TANC1: variants seen among roughly 807,000 people sequenced by gnomAD.
The protein encoded by TANC1 is protein TANC1.
TANC1 carries 77 observed loss-of-function variants against 149.7 expected under a neutral mutation model. The observed-to-expected ratio is 0.51, with a 90% confidence interval of 0.43 to 0.62. The LOEUF is 0.62. Ranked by LOEUF, TANC1 falls within the 20% of genes least tolerant of loss-of-function variation. TANC1 has a pLI of 0.00. For synonymous variants in TANC1, 854 were observed against 925.0 expected, an observed-to-expected ratio of 0.92 and a Z score of 1.39; for missense variants, 1,985 against 2,321.8, an observed-to-expected ratio of 0.85 and a Z score of 2.98.
intron 11 of TANC1, among the ~76,000 whole-genome samples, chr2:159,173,819 C>G (rs1260395660): frequency 6.6e-6 from 1 of 152,196 alleles, no homozygotes; most frequent in South Asian, 2.1e-4. Context: ...TTAATCTAAA[C>G]CAAAAGTCTC....
At chr2:159,163,049 A>G (rs2054204664) in intron 7 of TANC1, among the ~76,000 whole-genome samples, 1 of 152,206 alleles carries the variant, frequency 6.6e-6, no homozygotes, top group African/African-American at 2.4e-5. Flanking sequence ...TTATCTTCCT[A>G]TCAGAGTTTC....
intron 1 of TANC1, among the ~76,000 whole-genome samples, chr2:158,981,543 A>ATATATATATATATAT (rs58329621): frequency 9.9e-6 from 1 of 101,442 alleles, no homozygotes; most frequent in African/African-American, 3.5e-5. Context: ...ATATATATAT[A>ATATATATATATATAT]AAGAAGTAAC....
intron 3 of TANC1, 36 bp from the exon 4 acceptor site, chr2:159,097,601 G>T: frequency 6.6e-7 from 1 of 1,508,270 alleles, no homozygotes; most frequent in South Asian, 1.1e-5. Context: ...TATAATGAAT[G>T]GATGGTTTAA....
intron 15 of TANC1, among the ~76,000 whole-genome samples, chr2:159,186,468 C>T (rs1157324571): frequency 1.3e-5 from 2 of 152,156 alleles, no homozygotes; most frequent in Non-Finnish European, 2.9e-5. Context: ...CATGGTAAAA[C>T]CTTGTCTCTA....
intron 1 of TANC1, among the ~76,000 whole-genome samples, chr2:158,974,387 A>C (rs1163776789): frequency 6.6e-6 from 1 of 152,202 alleles, no homozygotes. Flanking sequence ...ATTAAAAATC[A>C]TGTATTATTT....
At position 159,035,771 on chromosome 2, in the gene TANC1, G is replaced by A. The variant is rs556082627; in HGVS notation, c.-15-30125G>A. ...AAGCTGCCTTCCTTGAGATCTCTGC[G>A]ACTCTGTAATTTATAGTGGTGCCTT... On this transcript the variant is annotated intron_variant, in intron 2 of 26. Transcript: ENST00000263635. 6.0e-4 allele frequency among the ~76,000 whole-genome samples: 91 copies of A among 152,292 alleles called. 1 individual carries two copies. The highest frequency in any genetic ancestry group is 6.0e-4 in the Non-Finnish European group (41 of 68,038).
chr2:159,173,823 A>T (rs2055535458), intron 11 of TANC1, among the ~76,000 whole-genome samples: 1 of 152,160 alleles, frequency 6.6e-6, no homozygotes, highest in Admixed American at 6.5e-5. Flanking sequence ...TCTAAACCAA[A>T]AGTCTCATGG....
At chr2:159,041,360 CT>C (rs1341528906) in intron 2 of TANC1, among the ~76,000 whole-genome samples, 2 of 152,160 alleles carry the variant, frequency 1.3e-5, no homozygotes, top group African/African-American at 4.8e-5. Flanking sequence ...TTTCTGCTGC[CT>C]TTTTTTCAGC....
chr2:159,011,527 A>AT (rs10586189), intron 2 of TANC1, among the ~76,000 whole-genome samples: 7,094 of 106,724 alleles, frequency 0.066, 266 homozygotes, highest in East Asian at 0.29. Flanking sequence ...TACACCTTAA[A>AT]TTTTTTTTTT....
At position 159,169,396 on chromosome 2, in the gene TANC1, G is replaced by A. The variant is rs188651200; in HGVS notation, c.1069+24G>A. ...AGGTATTTATCCTGGCATCAGCTGC[G>A]ATAATGGTTATGACTAACTCAGTCA... On this transcript the variant is annotated intron_variant, in intron 9 of 26. Transcript: ENST00000263635. 4.3e-4 allele frequency: 687 copies of A among 1,611,740 alleles called. 4 individuals carry two copies. The African/African-American group carries it at 8.1e-3, about 19-fold the overall frequency.
intron 1 of TANC1, among the ~76,000 whole-genome samples, chr2:158,998,645 G>A (rs1223979862): frequency 3.3e-5 from 5 of 152,206 alleles, no homozygotes; most frequent in African/African-American, 1.2e-4. Flanking sequence ...ACGTGGATCT[G>A]TACTTGTGGG....
At chr2:159,163,779 T>C (rs1380475056) in intron 8 of TANC1, among the ~76,000 whole-genome samples, 2 of 152,184 alleles carry the variant, frequency 1.3e-5, no homozygotes, top group Non-Finnish European at 2.9e-5. Context: ...ATTTGGACTG[T>C]CAGGCTCTTT....
rs371749101 is a variant in TANC1 at position 159,166,190 on chromosome 2, A to G, written c.946+2644A>G. On this transcript the variant is annotated intron_variant, in intron 8 of 26. Transcript: ENST00000263635. ...AGAAAGAAGTTGGGTAATGGGTTCT[A>G]TTTTTTACCTTTCAAAATACTTTCT... is the stretch of plus-strand genomic sequence containing the variant. Among the ~76,000 whole-genome samples, 54 of 152,222 alleles carry G rather than the reference A, an allele frequency of 3.5e-4. 1 individual carries two copies. Among genetic ancestry groups the G allele is most frequent in the African/African-American group, 1.1e-3 (47 of 41,530 alleles).
intron 14 of TANC1, among the ~76,000 whole-genome samples, chr2:159,181,074 A>G (rs1247839369): frequency 6.6e-6 from 1 of 152,192 alleles, no homozygotes; most frequent in Non-Finnish European, 1.5e-5. Flanking sequence ...CCCTCAGACA[A>G]AGACAGTTCA....
At chr2:158,978,123 T>C (rs1260191685) in intron 1 of TANC1, among the ~76,000 whole-genome samples, 1 of 152,214 alleles carries the variant, frequency 6.6e-6, no homozygotes, top group Non-Finnish European at 1.5e-5. Flanking sequence ...TTGTAGGCTT[T>C]TTGATGGTAG....
chr2:159,224,289 C>T lies in TANC1; in HGVS notation c.3736C>T (p.Arg1246Trp), dbSNP rs200357128. ...CGAGCATGTGGACCACAGCGGGATG[C>T]GGCCCTTGGACAGAGCCATCGGCTG... ...VIEHVDHSGM[R>W]PLDRAIGCRN... Residue 1246 changes from arginine to tryptophan, a missense_variant, in exon 23 of 27, where the codon CGG (arginine) becomes TGG (tryptophan). Arg to Trp is a moderately radical substitution (Grantham distance 101, BLOSUM62 -3). Transcript: ENST00000263635. The T allele has an allele frequency of 2.2e-5, 36 of 1,614,020 alleles. No homozygotes were observed. The highest frequency in any genetic ancestry group is 1.3e-4 in the East Asian group (6 of 44,892).
At chr2:159,188,882 A>G (rs2057226112) in intron 16 of TANC1, among the ~76,000 whole-genome samples, 1 of 152,224 alleles carries the variant, frequency 6.6e-6, no homozygotes, top group South Asian at 2.1e-4. Flanking sequence ...TTCTGTGATC[A>G]TGGTCGGAAA....
intron 2 of TANC1, among the ~76,000 whole-genome samples, chr2:159,007,138 G>GT (rs70994252): frequency 0.17 from 12,135 of 69,632 alleles, 1,442 homozygotes; most frequent in East Asian, 0.37. Flanking sequence ...CTTTAATACT[G>GT]TTTTTTTTTT....
At chr2:159,054,923 A>G (rs1487151472) in intron 2 of TANC1, among the ~76,000 whole-genome samples, 2 of 152,238 alleles carry the variant, frequency 1.3e-5, no homozygotes, top group African/African-American at 4.8e-5. Flanking sequence ...TATCCAGTCC[A>G]GCAGGAAAGG....
Sources: allele counts gnomAD v4.1 joint callset (sites outside exome capture counted in the v4.1 genomes callset), GRCh38; gene constraint gnomAD v4.1.1; transcripts MANE v1.5; gene names NCBI Gene and HGNC (gene_info 2026-07-23, HGNC 2026-07-21).